ULK4: variants seen among roughly 807,000 people sequenced by gnomAD.
ULK4 encodes the protein unc-51 like kinase 4.
Under a neutral mutation model 160.6 loss-of-function variants are expected in ULK4, and 133 were observed. The ratio of observed to expected loss-of-function variants is 0.83; its 90% CI spans 0.72 to 0.96. ULK4 has a LOEUF of 0.96. ULK4 is among the 40% of genes least tolerant of loss of function. ULK4 has a pLI of 0.00. For synonymous variants in ULK4, 534 were observed against 539.8 expected (o/e 0.99, Z 0.15); for missense variants, 1,580 against 1,499.5 (o/e 1.05, Z -0.89).
At chr3:41,357,228 A>T (rs988982369) in intron 35 of ULK4, among the ~76,000 whole-genome samples, 15 of 152,338 alleles carry the variant, frequency 9.8e-5, no homozygotes, top group African/African-American at 3.6e-4. Flanking sequence ...AAAGAAAATA[A>T]ATACTTAAGG....
intron 1 of ULK4, among the ~76,000 whole-genome samples, chr3:41,957,918 C>T (rs545944017): frequency 6.3e-4 from 96 of 151,756 alleles, no homozygotes; most frequent in African/African-American, 2.0e-3. Flanking sequence ...GTAGCCTGTG[C>T]ATGTAGTCCC....
In ULK4 at chr3:41,822,343, T is replaced by A. The variant is rs1419996285; in HGVS notation, c.1765-2837A>T. 2.6e-5 allele frequency among the ~76,000 whole-genome samples: 4 copies of A among 152,200 alleles called. No individual in the cohort carries two copies. The East Asian group carries it at 7.7e-4, about 29-fold the overall frequency. Reference sequence around the variant, plus strand: ...GTAATCCATAATGAGGCAAATACATTTTCTTCCTTAATAGTGCTTAGTGGA... The same window carrying A: ...GTAATCCATAATGAGGCAAATACATATTCTTCCTTAATAGTGCTTAGTGGA... On this transcript the variant is annotated intron_variant, in intron 18 of 36. Coordinates refer to ENST00000301831, the MANE Select transcript of ULK4 (RefSeq NM_017886.4).
chr3:41,536,907 T>C (rs932549490), intron 32 of ULK4, among the ~76,000 whole-genome samples: 19 of 152,212 alleles, frequency 1.2e-4, no homozygotes, highest in African/African-American at 4.6e-4. Context: ...ACAGTACCAA[T>C]CCTTCTTCCA....
At chr3:41,825,683 T>C (rs993407113) in intron 18 of ULK4, among the ~76,000 whole-genome samples, 1 of 152,160 alleles carries the variant, frequency 6.6e-6, no homozygotes, top group South Asian at 2.1e-4. Context: ...CTACGTCTGA[T>C]TGGTGTACCT....
chr3:41,475,070 A>G (rs1189508185), intron 32 of ULK4, among the ~76,000 whole-genome samples: 1 of 152,202 alleles, frequency 6.6e-6, no homozygotes, highest in Non-Finnish European at 1.5e-5. Flanking sequence ...TTCACAGTAG[A>G]CAAGTTATAG....
intron 35 of ULK4, among the ~76,000 whole-genome samples, chr3:41,339,349 T>G (rs749437870): frequency 5.3e-5 from 8 of 152,124 alleles, no homozygotes; most frequent in Non-Finnish European, 5.9e-5. Context: ...CAATGCCCCT[T>G]GCCAATGACT....
chr3:41,706,702 C>T (rs1036892071), intron 25 of ULK4, among the ~76,000 whole-genome samples: 2 of 151,216 alleles, frequency 1.3e-5, no homozygotes, highest in African/African-American at 4.9e-5. Flanking sequence ...GTGGCACACG[C>T]CTGTAATCCC....
chr3:41,630,595 G>A (rs1011681208), intron 30 of ULK4, among the ~76,000 whole-genome samples: 1 of 152,136 alleles, frequency 6.6e-6, no homozygotes. Flanking sequence ...CAATTAATTT[G>A]CAACCTTAAT....
At chr3:41,944,376 G>A (rs1441996699) in intron 2 of ULK4, among the ~76,000 whole-genome samples, 1 of 152,144 alleles carries the variant, frequency 6.6e-6, no homozygotes, top group East Asian at 1.9e-4. Flanking sequence ...AGAGGTGGAG[G>A]TTGCAGTGAG....
intron 32 of ULK4, among the ~76,000 whole-genome samples, chr3:41,506,767 A>AATATATATATATATATATATATAT (rs71075470): frequency 5.3e-5 from 3 of 56,792 alleles, no homozygotes; most frequent in African/African-American, 2.4e-4. Context: ...TGTGATTTAA[A>AATATATATATATATATATATATAT]ATATATATAT....
At chr3:41,418,265 A>G (rs1470726358) in intron 34 of ULK4, among the ~76,000 whole-genome samples, 1 of 149,638 alleles carries the variant, frequency 6.7e-6, no homozygotes, top group Non-Finnish European at 1.5e-5. Context: ...TACTGATAAC[A>G]TAAACAGTCA....
intron 18 of ULK4, among the ~76,000 whole-genome samples, chr3:41,831,759 C>T (rs1380478405): frequency 1.3e-5 from 2 of 151,854 alleles, no homozygotes; most frequent in Non-Finnish European, 2.9e-5. Flanking sequence ...TCCATGTGTT[C>T]TCATTGTTCA....
chr3:41,902,025 T>C (rs1698385951), intron 12 of ULK4, among the ~76,000 whole-genome samples: 1 of 152,112 alleles, frequency 6.6e-6, no homozygotes, highest in African/African-American at 2.4e-5. Context: ...TAAACATAAT[T>C]TGTATTCCTA....
chr3:41,739,267 A>C lies in ULK4; in HGVS notation c.2321+15094T>G, dbSNP rs1281072281. ...ACAGTGGCTTAGATTCCTTCAACAC[A>C]TACTCCTCTGTGTGGCCTTCTCTCA... On this transcript the variant is annotated intron_variant, in intron 22 of 36. Transcript: ENST00000301831. 5.3e-5 allele frequency among the ~76,000 whole-genome samples: 8 copies of C among 151,886 alleles called. 1 individual carries two copies. The highest frequency in any genetic ancestry group is 2.1e-4 in the South Asian group (1 of 4,834).
intron 17 of ULK4, among the ~76,000 whole-genome samples, chr3:41,838,138 A>C (rs575456627): frequency 1.4e-4 from 22 of 152,340 alleles, no homozygotes; most frequent in Non-Finnish European, 2.9e-4. Context: ...TGTCACCAGC[A>C]CACTACTCTA....
intron 31 of ULK4, among the ~76,000 whole-genome samples, chr3:41,594,204 A>C (rs1340403281): frequency 6.6e-6 from 1 of 152,176 alleles, no homozygotes; most frequent in Non-Finnish European, 1.5e-5. Context: ...AGAAAATCAA[A>C]ATATGCATAG....
intron 34 of ULK4, among the ~76,000 whole-genome samples, chr3:41,431,402 C>T (rs1442686161): frequency 6.7e-6 from 1 of 149,022 alleles, no homozygotes; most frequent in African/African-American, 2.5e-5. Flanking sequence ...AATAATACCC[C>T]TACCAATAAC....
chr3:41,401,929 T>C (rs563904669), intron 34 of ULK4, among the ~76,000 whole-genome samples: 3 of 152,150 alleles, frequency 2.0e-5, no homozygotes, highest in Non-Finnish European at 4.4e-5. Context: ...TTGAGGAACT[T>C]CTCCTTTAGC....
chr3:41,818,265 T>C (rs1035499461), intron 19 of ULK4, among the ~76,000 whole-genome samples: 1 of 152,188 alleles, frequency 6.6e-6, no homozygotes, highest in African/African-American at 2.4e-5. Flanking sequence ...CTATTCACAA[T>C]AATGACTTTT....
Sources: allele counts gnomAD v4.1 joint callset (sites outside exome capture counted in the v4.1 genomes callset), GRCh38; gene constraint gnomAD v4.1.1; transcripts MANE v1.5; gene names NCBI Gene and HGNC (gene_info 2026-07-23, HGNC 2026-07-21).